Variants in PKHD1L1 observed in about 807,000 individuals in gnomAD.
PKHD1L1 encodes the protein fibrocystin-L.
A neutral mutation model predicts 462.9 loss-of-function variants in PKHD1L1; 434 were observed. That is an observed-to-expected ratio of 0.94 (90% CI 0.87 to 1.02). PKHD1L1 has a LOEUF of 1.02. Ranked by LOEUF, PKHD1L1 falls within the 50% of genes least tolerant of loss-of-function variation. The probability of loss-of-function intolerance (pLI) is 0.00; values close to 1 mark genes in which losing one functional copy is unlikely to be tolerated. For missense variants in PKHD1L1, 5,202 were observed against 5,096.1 expected, an observed-to-expected ratio of 1.02 and a Z score of -0.63; for synonymous variants, 1,781 against 1,750.0, an observed-to-expected ratio of 1.02 and a Z score of -0.44.
Position 109,485,192 on chromosome 8 carries a change from A to G in PKHD1L1, c.9706+19A>G. The stretch of plus-strand genomic sequence containing the variant: ...CACTTTGGTAAGTGGATGCTTTTTA[A>G]CCAAATAGATATATAATTGTGTTGA... On this transcript the variant is annotated intron_variant, in intron 58 of 77. Transcript: ENST00000378402. 1 of 1,521,624 alleles carries G rather than the reference A, an allele frequency of 6.6e-7. No homozygotes were observed. 94.3% of individuals were successfully genotyped at this position (1,521,624 alleles called of 1,614,324 possible). A position where few individuals can be genotyped will look rare whatever the true frequency, so the allele number is the denominator to read the frequency against.
chr8:109,451,196 A>C, intron 41 of PKHD1L1, 47 bp downstream of exon 41: 1 of 1,527,190 alleles, frequency 6.5e-7, no homozygotes, highest in Non-Finnish European at 8.9e-7. Flanking sequence ...TCCAGACTTG[A>C]GCCATTACTC....
rs1429618067 is a variant in PKHD1L1, at chr8:109,395,872, A to T, written c.812-155A>T. Among the ~76,000 whole-genome samples, 4 of 152,228 alleles carry T rather than the reference A, an allele frequency of 2.6e-5. No homozygotes were observed. In the East Asian group the frequency reaches 5.8e-4, roughly 22 times the overall value. On this transcript the variant is annotated intron_variant, in intron 10 of 77. Transcript: ENST00000378402. ...TCTATTGTCCTTTTTTCAGGATTGC[A>T]TCAGAGAAAGTAATGAAACACCTAA...
At chr8:109,517,044 T>C (rs1008981702) in intron 72 of PKHD1L1, among the ~76,000 whole-genome samples, 1 of 152,020 alleles carries the variant, frequency 6.6e-6, no homozygotes. Context: ...AACCCCAAAA[T>C]ATGTATAGAT....
At chr8:109,415,415 G>A (rs1320416992) in intron 21 of PKHD1L1, among the ~76,000 whole-genome samples, 1 of 152,184 alleles carries the variant, frequency 6.6e-6, no homozygotes, top group African/African-American at 2.4e-5. Flanking sequence ...AACCTTGTTT[G>A]TTAAAAGTTT....
chr8:109,486,071 C>T (rs909206624), intron 58 of PKHD1L1, among the ~76,000 whole-genome samples: 1 of 151,838 alleles, frequency 6.6e-6, no homozygotes, highest in Middle Eastern at 3.2e-3. Flanking sequence ...TAAAATGTAG[C>T]GTGTAATCTA....
chr8:109,519,663 C>T (rs1043333502), intron 73 of PKHD1L1, among the ~76,000 whole-genome samples: 3 of 152,112 alleles, frequency 2.0e-5, no homozygotes, highest in African/African-American at 7.2e-5. Context: ...GTTAATGAAG[C>T]TTACACTTCA....
At chr8:109,515,907 T>C (rs1321467882) in intron 72 of PKHD1L1, among the ~76,000 whole-genome samples, 2 of 152,150 alleles carry the variant, frequency 1.3e-5, no homozygotes, top group African/African-American at 2.4e-5. Context: ...CCATTCCACA[T>C]GGGCTACTCA....
Position 109,412,961 on chromosome 8 carries a change from G to T in PKHD1L1, c.2236-460G>T, listed in dbSNP as rs751685918. Among the ~76,000 whole-genome samples the T allele has an allele frequency of 3.9e-5, 6 of 151,986 alleles. No individual in the cohort carries two copies. In the East Asian group the frequency reaches 1.2e-3, roughly 29 times the overall value. ...TATTTGGCATGCTTAAGGACTTGGG[G>T]ACCATTAAAATTGGTATTTAATTAC... On this transcript the variant is annotated intron_variant, in intron 20 of 77. Transcript: ENST00000378402.
rs1211826981 is a variant in PKHD1L1 at position 109,389,258 on chromosome 8, TTTTG to T, written c.697+118_697+121del. 1.8e-5 allele frequency: 15 copies of T among 812,012 alleles called. No homozygotes were observed. The East Asian group carries it at 3.3e-4, about 18-fold the overall frequency. The allele number at this position is 812,012 out of a possible 1,614,324, so 50.3% of individuals were successfully genotyped here. A position where few individuals can be genotyped will look rare whatever the true frequency, so the allele number is the denominator to read the frequency against. On this transcript the variant is annotated intron_variant, in intron 8 of 77. Transcript: ENST00000378402. ...TCCTCTGCCCTTTTGGATCAGGTGT[TTTTG>T]TTTGTTTGTTTTTTGTATTTTCTCT...
chr8:109,492,106 T>G (rs1818860537), intron 62 of PKHD1L1, 112 bp downstream of exon 62: 2 of 864,714 alleles, frequency 2.3e-6, no homozygotes, highest in South Asian at 6.9e-5. Flanking sequence ...AAAGATGATG[T>G]AAGTTTCGAT....
intron 21 of PKHD1L1, among the ~76,000 whole-genome samples, chr8:109,418,842 C>T (rs1413680695): frequency 1.3e-5 from 2 of 152,172 alleles, no homozygotes; most frequent in African/African-American, 2.4e-5. Flanking sequence ...TGTTATTTTA[C>T]ATTCCTATGG....
chr8:109,493,710 T>A lies in PKHD1L1; in HGVS notation c.10286T>A (p.Phe3429Tyr). 1 of 1,610,142 alleles carries A rather than the reference T, an allele frequency of 6.2e-7. No individual in the cohort carries two copies. Among genetic ancestry groups the A allele is most frequent in the South Asian group, 1.1e-5 (1 of 90,614 alleles). Residue 3429 changes from phenylalanine (F) to tyrosine (Y), a missense_variant, in exon 63 of 78, where the codon TTT (phenylalanine) becomes TAT (tyrosine). Physicochemically the swap from Phe to Tyr is conservative, Grantham distance 22. Transcript: ENST00000378402. ...TTACAGAATAATGTAGTGGCTGGAT[T>A]TGGAAGAGCAGGATACCGCATTGAT... ...TVLQNNVVAG[F>Y]GRAGYRIDGE... is the part of the protein sequence containing the mutation.
At position 109,401,503 on chromosome 8, in the gene PKHD1L1, A is replaced by G; in HGVS notation, c.1288A>G (p.Ile430Val). 1.3e-6 allele frequency: 2 copies of G among 1,558,426 alleles called. No individual in the cohort carries two copies. The highest frequency in any genetic ancestry group is 1.8e-6 in the Non-Finnish European group (2 of 1,131,566). Residue 430 changes from isoleucine to valine, a missense_variant, in exon 14 of 78, where the codon ATT (isoleucine) becomes GTT (valine). Around this residue, in one of 3 missense-constraint regions of PKHD1L1, gnomAD observed 4,497 missense variants for 4,336.8 expected, o/e 1.04. Coordinates refer to ENST00000378402, the MANE Select transcript of PKHD1L1 (RefSeq NM_177531.6). ...QTGLPEDKVR[I>V]AYHSANANSY... ...TCTGTCTCTCTCGGATTAGGTGAGGATTGCATATCATTCTGCTAATGCCAA... is the reference window on the plus strand; with the variant it reads ...TCTGTCTCTCTCGGATTAGGTGAGGGTTGCATATCATTCTGCTAATGCCAA...
Position 109,504,386 on chromosome 8 carries a change from A to T in PKHD1L1, c.10888A>T (p.Thr3630Ser), listed in dbSNP as rs761267481. The change falls in exon 68 of 78, where the codon ACT (threonine) becomes TCT (serine). Residue 3630 changes from threonine (T) to serine (S), a missense_variant. By Grantham distance (58) the Thr-to-Ser change is moderately conservative (BLOSUM62 1). Transcript: ENST00000378402. ...AGGGGAAACTAATGTTATATTCATT[A>T]CTAACCCTTTAAATGAGGATTTACA... is the stretch of plus-strand genomic sequence containing the variant. Reference protein sequence around the residue: ...CSGETNVIFITNPLNEDLQHP... With the variant: ...CSGETNVIFISNPLNEDLQHP... The T allele has an allele frequency of 5.2e-6, 8 of 1,549,820 alleles. No individual in the cohort carries two copies.
intron 2 of PKHD1L1, among the ~76,000 whole-genome samples, chr8:109,371,934 G>A (rs1427132516): frequency 6.6e-6 from 1 of 152,006 alleles, no homozygotes; most frequent in Non-Finnish European, 1.5e-5. Context: ...AAGTCAGGTA[G>A]TGTGATGCCT....
At chr8:109,410,084 C>G in intron 19 of PKHD1L1, 106 bp downstream of exon 19, 1 of 639,206 alleles carries the variant, frequency 1.6e-6, no homozygotes, top group Non-Finnish European at 2.5e-6. Flanking sequence ...CTTTGTTATT[C>G]ACAGTCAAAT....
rs761033321 is a variant in PKHD1L1 at position 109,451,075 on chromosome 8, C to T, written c.6276C>T (p.Leu2092=). 4 of 1,613,750 alleles carry T rather than the reference C, an allele frequency of 2.5e-6. No homozygotes were observed. Among genetic ancestry groups the T allele is most frequent in the South Asian group, 1.1e-5 (1 of 91,036 alleles). The change falls in exon 41 of 78, where the codon CTC becomes CTT. Residue 2092 remains leucine (L), a synonymous_variant. Coordinates refer to ENST00000378402, the MANE Select transcript of PKHD1L1 (RefSeq NM_177531.6). ...PFTYAVSLTP[L]ITAVSPKRGS... ...CGTACGCAGTGTCACTGACTCCACT[C>T]ATCACTGCAGTATCTCCTAAGAGAG... is the stretch of plus-strand genomic sequence containing the variant.
At chr8:109,377,613 AT>A (rs1811905750) in intron 2 of PKHD1L1, among the ~76,000 whole-genome samples, 1 of 152,202 alleles carries the variant, frequency 6.6e-6, no homozygotes, top group African/African-American at 2.4e-5. Flanking sequence ...GAATTTAGGA[AT>A]TTTAGATATT....
chr8:109,451,261 A>G (rs1816481206), intron 41 of PKHD1L1, 112 bp downstream of exon 41: 9 of 1,153,730 alleles, frequency 7.8e-6, no homozygotes, highest in Non-Finnish European at 1.1e-5. Context: ...ATGTGTACCT[A>G]TATGCTCGTA....
Sources: allele counts gnomAD v4.1 joint callset (sites outside exome capture counted in the v4.1 genomes callset), GRCh38; gene constraint gnomAD v4.1.1; regional missense constraint gnomAD v4.1.1; transcripts MANE v1.5; gene names NCBI Gene and HGNC (gene_info 2026-07-23, HGNC 2026-07-21).